The following ALMS1 variants were observed in gnomAD, a reference collection of about 807,000 sequenced individuals.
ALMS1 encodes the protein centrosome-associated protein ALMS1.
A neutral mutation model predicts 352.2 loss-of-function variants in ALMS1; 271 were observed. The observed-to-expected ratio is 0.77, with a 90% CI of 0.70 to 0.85. ALMS1 has a LOEUF of 0.85. Ranked by LOEUF, ALMS1 falls within the 40% of genes least tolerant of loss-of-function variation. The pLI is 0.00. For missense variants in ALMS1, 5,445 were observed against 4,870.7 expected (o/e 1.12, Z -3.51); for synonymous variants, 1,865 against 1,761.2 (o/e 1.06, Z -1.48).
chr2:73,521,853 G>A (rs13392691), intron 11 of ALMS1, among the ~76,000 whole-genome samples: 39,259 of 151,952 alleles, frequency 0.26, 5,597 homozygotes, highest in African/African-American at 0.38. Flanking sequence ...TCAAAGAATC[G>A]ATATTATTTG....
chr2:73,450,086 G>A lies in ALMS1; in HGVS notation c.3559G>A (p.Val1187Ile), dbSNP rs748313510. 7.4e-6 allele frequency: 12 copies of A among 1,613,884 alleles called. No homozygotes were observed. Among genetic ancestry groups the A allele is most frequent in the African/African-American group, 1.3e-5 (1 of 74,934 alleles). The change falls in exon 8 of 23, where the codon GTA becomes ATA. Residue 1187 changes from valine (V) to isoleucine (I), a missense_variant. Coordinates refer to ENST00000613296, the MANE Select transcript of ALMS1 (RefSeq NM_001378454.1). Reference sequence around the variant, plus strand: ...TAACCAGAAGACTTGGATACCAAGAGTACTTTCTACCTTCTACTCACAAAG... The same window carrying A: ...TAACCAGAAGACTTGGATACCAAGAATACTTTCTACCTTCTACTCACAAAG... ...PGNQKTWIPR[V>I]LSTFYSQREK...
At position 73,448,180 on chromosome 2, in the gene ALMS1, T is replaced by C. The variant is rs1280098713; in HGVS notation, c.1653T>C (p.Thr551=). 3 of 1,613,930 alleles carry C rather than the reference T, an allele frequency of 1.9e-6. No individual in the cohort carries two copies. The highest frequency in any genetic ancestry group is 1.7e-5 in the Admixed American group (1 of 59,974). ...TLADTHLTEE[T]LKVTAIPEPA... ...CAGATACTCATCTAACTGAAGAGAC[T>C]CTGAAAGTCACAGCTATTCCTGAAC... Residue 551 remains threonine, a synonymous_variant, in exon 8 of 23, where the codon ACT becomes ACC. Transcript: ENST00000613296.
chr2:73,450,658 C>T lies in ALMS1; in HGVS notation c.4131C>T (p.Thr1377=), dbSNP rs759705921. The T allele has an allele frequency of 1.9e-5, 30 of 1,613,672 alleles. No homozygotes were observed. The highest frequency in any genetic ancestry group is 2.5e-5 in the Non-Finnish European group (29 of 1,179,934). Residue 1377 remains threonine (T), a synonymous_variant, in exon 8 of 23, where the codon ACC becomes ACT. Transcript: ENST00000613296. The stretch of plus-strand genomic sequence containing the variant: ...AGACAACTGGCACACCAACTGTAAC[C>T]TCTACTTCTTACTCACAACATACAG... The part of the protein sequence containing the change: ...VDQTTGTPTV[T]STSYSQHTEK...
rs1186273888 is a variant in ALMS1 at position 73,490,207 on chromosome 2, T to A, written c.8248T>A (p.Phe2750Ile). Residue 2750 changes from phenylalanine to isoleucine, a missense_variant, in exon 10 of 23, where the codon TTT becomes ATT. Physicochemically the swap from Phe to Ile is conservative, Grantham distance 21. Coordinates refer to ENST00000613296, the MANE Select transcript of ALMS1 (RefSeq NM_001378454.1). ...GTGTACTGGAGCATCTGTGGGGGTA[T>A]TTAATTCTCATTTCACTGAAGAACA... ...SQCTGASVGV[F>I]NSHFTEEQNP... 6.2e-7 allele frequency: 1 copy of A among 1,614,052 alleles called. No homozygotes were observed. Among genetic ancestry groups the A allele is most frequent in the Admixed American group, 1.7e-5 (1 of 60,012 alleles).
intron 21 of ALMS1, among the ~76,000 whole-genome samples, chr2:73,605,441 A>G (rs1675795561): frequency 1.3e-5 from 2 of 152,246 alleles, no homozygotes; most frequent in African/African-American, 4.8e-5. Context: ...ATCAGGGAAT[A>G]GATAGAAGAT....
intron 13 of ALMS1, among the ~76,000 whole-genome samples, chr2:73,556,209 T>G (rs917430708): frequency 2.6e-5 from 4 of 152,194 alleles, no homozygotes; most frequent in African/African-American, 9.6e-5. Context: ...TTTAATGATC[T>G]AAAAATTTCA....
chr2:73,390,532 A>G (rs1339778873), intron 1 of ALMS1, among the ~76,000 whole-genome samples: 1 of 152,222 alleles, frequency 6.6e-6, no homozygotes, highest in Non-Finnish European at 1.5e-5. Context: ...TACTGTTTAA[A>G]TTTGAAGCAA....
intron 12 of ALMS1, among the ~76,000 whole-genome samples, chr2:73,549,645 A>T (rs1244569786): frequency 3.3e-5 from 5 of 152,164 alleles, no homozygotes. Flanking sequence ...TTTCCAAGAT[A>T]CAATCCATTT....
At chr2:73,433,712 T>C (rs1263804220) in intron 7 of ALMS1, among the ~76,000 whole-genome samples, 2 of 152,154 alleles carry the variant, frequency 1.3e-5, no homozygotes, top group Non-Finnish European at 2.9e-5. Context: ...ATTAATTGTT[T>C]TTGAATAGAA....
intron 2 of ALMS1, 86 bp downstream of exon 2, chr2:73,408,833 A>G: frequency 1.9e-6 from 2 of 1,060,322 alleles, no homozygotes; most frequent in South Asian, 1.5e-5. Flanking sequence ...GGAAAAATAA[A>G]TTAATATTCA....
intron 16 of ALMS1, among the ~76,000 whole-genome samples, chr2:73,594,180 T>C (rs1215406909): frequency 6.6e-6 from 1 of 152,196 alleles, no homozygotes; most frequent in Non-Finnish European, 1.5e-5. Flanking sequence ...CCATTTTACA[T>C]TCCCACCAGC....
At chr2:73,403,292 A>G (rs114543133) in intron 1 of ALMS1, among the ~76,000 whole-genome samples, 3,426 of 152,270 alleles carry the variant, frequency 0.022, 132 homozygotes, top group Admixed American at 0.09. Context: ...GAGATCTTCT[A>G]TTCCCTATTG....
chr2:73,495,484 C>T (rs1572973855), intron 10 of ALMS1, among the ~76,000 whole-genome samples: 1 of 152,154 alleles, frequency 6.6e-6, no homozygotes, highest in African/African-American at 2.4e-5. Context: ...GATCTGCCCA[C>T]CTCGGCCTCC....
chr2:73,598,302 G>A (rs1299232897), intron 16 of ALMS1, among the ~76,000 whole-genome samples: 3 of 152,126 alleles, frequency 2.0e-5, no homozygotes, highest in Non-Finnish European at 4.4e-5. Flanking sequence ...ACCTGGCAGG[G>A]CATGCTCTGC....
At chr2:73,399,777 A>AT (rs975256080) in intron 1 of ALMS1, among the ~76,000 whole-genome samples, 1 of 151,908 alleles carries the variant, frequency 6.6e-6, no homozygotes, top group African/African-American at 2.4e-5. Context: ...TAGTTGTAGG[A>AT]TTTTTTGTAG....
intron 16 of ALMS1, among the ~76,000 whole-genome samples, chr2:73,578,355 G>A (rs567532756): frequency 4.2e-4 from 64 of 152,112 alleles, no homozygotes; most frequent in Middle Eastern, 3.4e-3. Context: ...TTTAATTGGC[G>A]AGTATAATCC....
At chr2:73,483,495 A>G (rs894845921) in intron 9 of ALMS1, among the ~76,000 whole-genome samples, 4 of 151,810 alleles carry the variant, frequency 2.6e-5, no homozygotes, top group African/African-American at 4.9e-5. Context: ...AGTTCCAAGT[A>G]TGTGGTCAAT....
At chr2:73,608,268 G>A (rs186830501) in intron 21 of ALMS1, among the ~76,000 whole-genome samples, 148 of 152,176 alleles carry the variant, frequency 9.7e-4, no homozygotes, top group African/African-American at 3.4e-3. Flanking sequence ...GGATTTTATT[G>A]TGTTTGTATT....
In ALMS1 at chr2:73,452,850, A is replaced by C. The variant is rs1041224047; in HGVS notation, c.6323A>C (p.Glu2108Ala). 1 of 1,613,782 alleles carries C rather than the reference A, an allele frequency of 6.2e-7. No individual in the cohort carries two copies. The highest frequency in any genetic ancestry group is 8.5e-7 in the Non-Finnish European group (1 of 1,179,990). ...REKSNIFSPQ[E>A]LPGSHVTEDV... Reference sequence around the variant, plus strand: ...AAATCGAATATTTTCAGTCCACAGGAATTGCCAGGTAGTCATGTAACTGAA... The same window carrying C: ...AAATCGAATATTTTCAGTCCACAGGCATTGCCAGGTAGTCATGTAACTGAA... Residue 2108 changes from glutamate to alanine, a missense_variant, in exon 8 of 23, where the codon GAA becomes GCA. Transcript: ENST00000613296.
Sources: gnomAD v4.1 joint callset for allele counts (sites outside exome capture counted in the v4.1 genomes callset) on GRCh38, gnomAD v4.1.1 for gene constraint, MANE v1.5 for transcripts, NCBI Gene and HGNC (gene_info 2026-07-23, HGNC 2026-07-21) for gene names.